Variants in SPAG17 observed in about 807,000 individuals in gnomAD.
The protein encoded by SPAG17 is sperm associated antigen 17, also known as sperm-associated antigen 17.
In SPAG17, 169 loss-of-function variants were observed where a neutral mutation model predicts 273.6. The ratio of observed to expected loss-of-function variants is 0.62; its 90% CI spans 0.55 to 0.70. The LOEUF (loss-of-function observed/expected upper bound fraction) is 0.70. Ranked by LOEUF, SPAG17 falls within the 30% of genes least tolerant of loss-of-function variation. SPAG17 has a pLI of 0.00. For synonymous variants in SPAG17, 825 were observed against 873.2 expected, an observed-to-expected ratio of 0.94 and a Z score of 0.97; for missense variants, 2,557 against 2,627.8, an observed-to-expected ratio of 0.97 and a Z score of 0.59.
chr1:118,124,753 A>G (rs890490018), intron 3 of SPAG17, among the ~76,000 whole-genome samples: 1 of 152,208 alleles, frequency 6.6e-6, no homozygotes, highest in African/African-American at 2.4e-5. Context: ...TTTATTAGAT[A>G]CAGAAACTGA....
At chr1:118,117,312 G>C (rs1030574500) in intron 3 of SPAG17, among the ~76,000 whole-genome samples, 11 of 152,260 alleles carry the variant, frequency 7.2e-5, no homozygotes, top group African/African-American at 2.4e-4. Flanking sequence ...ACCTATGTCT[G>C]GGGGGTTTGG....
chr1:118,095,943 A>G (rs1264402354), intron 7 of SPAG17, among the ~76,000 whole-genome samples: 1 of 152,146 alleles, frequency 6.6e-6, no homozygotes, highest in African/African-American at 2.4e-5. Context: ...GGGGAGGGGC[A>G]AGGACAAAGG....
At chr1:118,122,626 A>G (rs1414736420) in intron 3 of SPAG17, among the ~76,000 whole-genome samples, 4 of 152,210 alleles carry the variant, frequency 2.6e-5, no homozygotes, top group African/African-American at 9.6e-5. Flanking sequence ...ATCTGCAGAC[A>G]TTGCCAAATG....
intron 3 of SPAG17, among the ~76,000 whole-genome samples, chr1:118,124,115 G>C (rs1205168440): frequency 1.3e-5 from 2 of 152,218 alleles, no homozygotes; most frequent in Admixed American, 1.3e-4. Context: ...AGCTGAATGT[G>C]ATAACGTATG....
At chr1:118,176,446 T>C (rs1441148555) in intron 1 of SPAG17, among the ~76,000 whole-genome samples, 4 of 152,136 alleles carry the variant, frequency 2.6e-5, no homozygotes, top group Non-Finnish European at 5.9e-5. Context: ...TTACAAATCA[T>C]GACTGCACAA....
chr1:118,101,989 G>T, intron 4 of SPAG17, 63 bp from the exon 5 acceptor site: 1 of 1,343,006 alleles, frequency 7.4e-7, no homozygotes, highest in Non-Finnish European at 1.0e-6. Flanking sequence ...CTTTTCTACT[G>T]CCAGGTGAAT....
In SPAG17 at chr1:118,073,374, G is replaced by A. The variant is rs540225138; in HGVS notation, c.2385+480C>T. 5.9e-5 allele frequency among the ~76,000 whole-genome samples: 9 copies of A among 152,274 alleles called. No individual in the cohort carries two copies. The South Asian group carries it at 1.9e-3, about 32-fold the overall frequency. On this transcript the variant is annotated intron_variant, in intron 17 of 48. Coordinates refer to ENST00000336338, the MANE Select transcript of SPAG17 (RefSeq NM_206996.4). ...CAGGGTTATTGTGAGGATTAAATGA[G>A]CTAATAATACATATTAATCAGTGCC...
At chr1:118,064,574 T>C (rs1449520979) in intron 18 of SPAG17, among the ~76,000 whole-genome samples, 1 of 105,660 alleles carries the variant, frequency 9.5e-6, no homozygotes, top group African/African-American at 3.7e-5. Flanking sequence ...CATCACACTT[T>C]GGGGCCTGTT....
rs190121914 is a variant in SPAG17, at chr1:117,980,030, G to C, written c.6004+1240C>G. On this transcript the variant is annotated intron_variant, in intron 43 of 48. Coordinates refer to ENST00000336338, the MANE Select transcript of SPAG17 (RefSeq NM_206996.4). ...TCTAGGTTTGCCCATAATATGGGAG[G>C]GGTCTAGCTCCATCAGATATGGGAG... Among the ~76,000 whole-genome samples the C allele has an allele frequency of 1.8e-3, 270 of 152,088 alleles. 1 individual carries two copies. The highest frequency in any genetic ancestry group is 6.2e-3 in the African/African-American group (259 of 41,476).
intron 40 of SPAG17, among the ~76,000 whole-genome samples, chr1:117,985,425 C>T (rs1656298910): frequency 1.3e-5 from 2 of 152,170 alleles, no homozygotes; most frequent in South Asian, 4.1e-4. Flanking sequence ...CATGTCTTTC[C>T]CTACTTCCTG....
chr1:117,960,045 TG>T (rs1389020818), intron 48 of SPAG17: 1 of 152,164 alleles, frequency 6.6e-6, no homozygotes, highest in Non-Finnish European at 1.5e-5. Flanking sequence ...ATAAAATAGT[TG>T]TTTCTAATTA....
chr1:118,035,466 T>C (rs950213701), intron 24 of SPAG17, among the ~76,000 whole-genome samples: 1 of 152,180 alleles, frequency 6.6e-6, no homozygotes, highest in African/African-American at 2.4e-5. Flanking sequence ...TCGTTAGGCA[T>C]CAAATGACTT....
intron 3 of SPAG17, among the ~76,000 whole-genome samples, chr1:118,137,491 G>C (rs778528386): frequency 6.6e-6 from 1 of 152,170 alleles, no homozygotes; most frequent in African/African-American, 2.4e-5. Flanking sequence ...TGAGCACTGT[G>C]ATCCAAATAT....
chr1:118,068,337 G>C (rs1571398690), intron 17 of SPAG17, among the ~76,000 whole-genome samples: 1 of 152,010 alleles, frequency 6.6e-6, no homozygotes, highest in South Asian at 2.1e-4. Context: ...CATACATGTG[G>C]TGAATATCTT....
intron 17 of SPAG17, among the ~76,000 whole-genome samples, chr1:118,072,385 C>A (rs1653684718): frequency 6.6e-6 from 1 of 152,108 alleles, no homozygotes; most frequent in East Asian, 1.9e-4. Context: ...CAACAGGTAT[C>A]TAACTGGAAA....
intron 17 of SPAG17, among the ~76,000 whole-genome samples, chr1:118,072,492 C>T (rs961468000): frequency 6.6e-6 from 1 of 152,106 alleles, no homozygotes; most frequent in Non-Finnish European, 1.5e-5. Flanking sequence ...ATCACTAATA[C>T]AATAAAACTA....
Position 118,055,894 on chromosome 1 carries a change from G to C in SPAG17, c.2561C>G (p.Ala854Gly). ...VGFRNYLELV[A>G]KSIQDWITKE... ...TGTAATCCAATCTTGAATAGATTTT[G>C]CAACAAGTTCCAAATAATTCCTAAA... Residue 854 changes from alanine (A) to glycine (G), a missense_variant, in exon 19 of 49, where the codon GCA (alanine) becomes GGA (glycine). Coordinates refer to ENST00000336338, the MANE Select transcript of SPAG17 (RefSeq NM_206996.4). 1 of 1,605,264 alleles carries C rather than the reference G, an allele frequency of 6.2e-7. No homozygotes were observed. Among genetic ancestry groups the C allele is most frequent in the South Asian group, 1.1e-5 (1 of 88,338 alleles).
chr1:117,985,366 C>T (rs547115098), intron 40 of SPAG17, among the ~76,000 whole-genome samples: 1 of 152,174 alleles, frequency 6.6e-6, no homozygotes, highest in Non-Finnish European at 1.5e-5. Flanking sequence ...AGTCCAGGAG[C>T]TTTTAAAGAG....
chr1:118,026,444 G>A (rs914662114), intron 26 of SPAG17, among the ~76,000 whole-genome samples: 39 of 152,090 alleles, frequency 2.6e-4, no homozygotes, highest in African/African-American at 8.7e-4. Flanking sequence ...TATATATCAG[G>A]CTAGTGGGAA....
Sources: allele counts gnomAD v4.1 joint callset (sites outside exome capture counted in the v4.1 genomes callset), GRCh38; gene constraint gnomAD v4.1.1; transcripts MANE v1.5; gene names NCBI Gene and HGNC (gene_info 2026-07-23, HGNC 2026-07-21).